The following SLF1 variants were observed in gnomAD, a reference collection of about 807,000 sequenced individuals.
The protein encoded by SLF1 is SMC5/6 complex localization factor 1, also known as SMC5-SMC6 complex localization factor protein 1.
SLF1 carries 105 observed loss-of-function variants against 123.0 expected under a neutral mutation model. The observed-to-expected ratio is 0.85, with a 90% confidence interval of 0.73 to 1.00. The LOEUF (loss-of-function observed/expected upper bound fraction) is 1.00, where lower values mean the gene tolerates loss of function less well. SLF1 is among the 50% of genes least tolerant of loss of function. The pLI is 0.00. For missense variants in SLF1, 1,239 were observed against 1,223.0 expected (o/e 1.01, Z -0.20); for synonymous variants, 434 against 406.6 (o/e 1.07, Z -0.81).
intron 15 of SLF1, among the ~76,000 whole-genome samples, chr5:94,679,628 AT>A (rs554601443): frequency 1.5e-3 from 232 of 151,870 alleles, no homozygotes; most frequent in African/African-American, 5.3e-3. Context: ...ACTTGCTACT[AT>A]TTTTTTCCCC....
intron 9 of SLF1, among the ~76,000 whole-genome samples, chr5:94,655,683 C>T (rs1269710433): frequency 6.6e-6 from 1 of 151,754 alleles, no homozygotes; most frequent in African/African-American, 2.4e-5. Context: ...TAAATATATT[C>T]CTAGGTATTT....
At position 94,630,581 on chromosome 5, in the gene SLF1, G is replaced by A. The variant is rs181934125; in HGVS notation, c.269G>A (p.Trp90Ter). ...GRWLDETTYE[W>*]GYKIEKDSRY... is the part of the protein sequence containing the mutation. ...TGGCTTGATGAAACAACTTATGAAT[G>A]GGGATATAAAATTGAAAAAGATTCC... Residue 90 changes from tryptophan to a stop codon, truncating the protein, a stop_gained, in exon 4 of 21, where the codon TGG becomes TAG. Transcript: ENST00000265140. LOFTEE classifies it high-confidence loss of function. The A allele has an allele frequency of 1.1e-5, 17 of 1,551,634 alleles. No individual in the cohort carries two copies. The Admixed American group carries it at 2.9e-4, about 27-fold the overall frequency.
chr5:94,651,133 T>C (rs1215723773), intron 6 of SLF1, among the ~76,000 whole-genome samples: 1 of 152,196 alleles, frequency 6.6e-6, no homozygotes, highest in Non-Finnish European at 1.5e-5. Context: ...TGCAGTTGCC[T>C]ATAGCATTTA....
Position 94,662,350 on chromosome 5 carries a change from A to T in SLF1, c.1208A>T (p.Glu403Val). The change falls in exon 10 of 21, where the codon GAG becomes GTG. Residue 403 changes from glutamate to valine, a missense_variant and splice_region_variant. By Grantham distance (121) the Glu-to-Val change is moderately radical. Transcript: ENST00000265140. ...GATAAACAACCAGTGTACAACGTAG[A>T]GGTAAGGGGCTTGGAGCAGCATTGG... ...RIDKQPVYNV[E>V]VKNAEFPRGV... is the part of the protein sequence containing the mutation. 6.5e-7 allele frequency: 1 copy of T among 1,546,620 alleles called. No homozygotes were observed. Among genetic ancestry groups the T allele is most frequent in the African/African-American group, 1.4e-5 (1 of 73,072 alleles).
chr5:94,639,017 C>G (rs1746131381), intron 4 of SLF1, among the ~76,000 whole-genome samples: 1 of 135,448 alleles, frequency 7.4e-6, no homozygotes, highest in Non-Finnish European at 1.6e-5. Flanking sequence ...ATTTTTTTCT[C>G]ATCTCTTTTC....
chr5:94,657,148 G>C (rs1221536341), intron 9 of SLF1, among the ~76,000 whole-genome samples: 1 of 151,312 alleles, frequency 6.6e-6, no homozygotes, highest in African/African-American at 2.4e-5. Context: ...TTGATTATTT[G>C]AGATCTTTCT....
rs1277317623 is a variant in SLF1, at chr5:94,649,591, A to G, written c.732A>G (p.Arg244=). The G allele has an allele frequency of 6.8e-7, 1 of 1,472,794 alleles. No individual in the cohort carries two copies. The highest frequency in any genetic ancestry group is 1.4e-5 in the African/African-American group (1 of 71,260). The allele number at this position is 1,472,794 out of a possible 1,614,324, so 91.2% of individuals were successfully genotyped here. A position where few individuals can be genotyped will look rare whatever the true frequency, so the allele number is the denominator to read the frequency against. Reference sequence around the variant, plus strand: ...GTGCCTTAAGAGAGACCATGTATAGAACCCAGGTAAACTTTATAGGCTGAA... The same window carrying G: ...GTGCCTTAAGAGAGACCATGTATAGGACCCAGGTAAACTTTATAGGCTGAA... ...MKGALRETMY[R]TQKEMQNHED... The change falls in exon 6 of 21, where the codon AGA becomes AGG. Residue 244 remains arginine, a synonymous_variant. Coordinates refer to ENST00000265140, the MANE Select transcript of SLF1 (RefSeq NM_032290.4).
At chr5:94,675,180 A>G (rs1750906950) in intron 14 of SLF1, among the ~76,000 whole-genome samples, 1 of 152,226 alleles carries the variant, frequency 6.6e-6, no homozygotes, top group Admixed American at 6.5e-5. Flanking sequence ...TCTACTTTAC[A>G]GATTAGTCAA....
chr5:94,630,478 G>T, intron 3 of SLF1, 25 bp from the exon 4 acceptor site: 1 of 1,531,794 alleles, frequency 6.5e-7, no homozygotes, highest in Non-Finnish European at 8.8e-7. Context: ...ATTCCTTTGT[G>T]ACTGACAGCT....
intron 5 of SLF1, among the ~76,000 whole-genome samples, chr5:94,643,958 A>G (rs1478972927): frequency 6.6e-6 from 1 of 152,086 alleles, no homozygotes; most frequent in Non-Finnish European, 1.5e-5. Flanking sequence ...GTTATAGGAA[A>G]AATCATCTTC....
At position 94,652,506 on chromosome 5, in the gene SLF1, T is replaced by G. The variant is rs183972258; in HGVS notation, c.882+661T>G. Among the ~76,000 whole-genome samples, 6 of 152,374 alleles carry G rather than the reference T, an allele frequency of 3.9e-5. No homozygotes were observed. In the East Asian group the frequency reaches 9.6e-4, roughly 24 times the overall value. ...GTTATTTATAGACTTCTTTTGCTAATGTATATAAAATTTTATTGTTTGACT... is the reference window on the plus strand; with the variant it reads ...GTTATTTATAGACTTCTTTTGCTAAGGTATATAAAATTTTATTGTTTGACT... On this transcript the variant is annotated intron_variant, in intron 7 of 20. Transcript: ENST00000265140.
intron 20 of SLF1, 43 bp from the exon 21 acceptor site, chr5:94,694,788 T>C: frequency 6.6e-7 from 1 of 1,514,594 alleles, no homozygotes; most frequent in African/African-American, 1.4e-5. Context: ...GCTGCCAAAA[T>C]AGAAATGTTT....
At chr5:94,671,530 T>C (rs1190153464) in intron 14 of SLF1, among the ~76,000 whole-genome samples, 1 of 151,848 alleles carries the variant, frequency 6.6e-6, no homozygotes, top group Non-Finnish European at 1.5e-5. Context: ...AACATAACTT[T>C]GGCACATTTT....
chr5:94,657,963 G>A (rs1748608726), intron 9 of SLF1, among the ~76,000 whole-genome samples: 3 of 151,916 alleles, frequency 2.0e-5, no homozygotes, highest in Admixed American at 2.0e-4. Context: ...TTTCTTATAG[G>A]CAACACACTG....
At chr5:94,667,756 T>C (rs1005665763) in intron 12 of SLF1, among the ~76,000 whole-genome samples, 2 of 152,134 alleles carry the variant, frequency 1.3e-5, no homozygotes, top group Non-Finnish European at 2.9e-5. Flanking sequence ...TTTGTTTGTT[T>C]TGTTTTGTTT....
At position 94,676,264 on chromosome 5, in the gene SLF1, G is replaced by A. The variant is rs117909151; in HGVS notation, c.1828-2544G>A. On this transcript the variant is annotated intron_variant, in intron 14 of 20. Coordinates refer to ENST00000265140, the MANE Select transcript of SLF1 (RefSeq NM_032290.4). The stretch of plus-strand genomic sequence containing the variant: ...TATATTCTCTTGATAACAGTGAGAA[G>A]TAAGGATTAACTAACTTGCTCAGAG... Among the ~76,000 whole-genome samples the A allele has an allele frequency of 1.4e-4, 22 of 152,288 alleles. No homozygotes were observed. In the East Asian group the frequency reaches 4.0e-3, roughly 28 times the overall value.
intron 8 of SLF1, 97 bp from the exon 9 acceptor site, chr5:94,654,533 A>T: frequency 1.1e-6 from 1 of 890,304 alleles, no homozygotes; most frequent in East Asian, 3.4e-5. Context: ...TTAACATGGT[A>T]TGAATGTGTT....
intron 1 of SLF1, among the ~76,000 whole-genome samples, chr5:94,624,362 G>C (rs1792048236): frequency 6.6e-6 from 1 of 152,058 alleles, no homozygotes; most frequent in Non-Finnish European, 1.5e-5. Context: ...ATGGGCTCTT[G>C]CTTTGACAGA....
rs1750288246 is a variant in SLF1, at chr5:94,670,266, C to A, written c.1648C>A (p.His550Asn). 6.7e-7 allele frequency: 1 copy of A among 1,488,600 alleles called. No individual in the cohort carries two copies. Among genetic ancestry groups the A allele is most frequent in the Non-Finnish European group, 8.9e-7 (1 of 1,123,172 alleles). The allele number at this position is 1,488,600 out of a possible 1,614,324, so 92.2% of individuals were successfully genotyped here. The change falls in exon 13 of 21, where the codon CAT becomes AAT. Residue 550 changes from histidine (H) to asparagine (N), a missense_variant. Physicochemically the swap from His to Asn is moderately conservative, Grantham distance 68. Coordinates refer to ENST00000265140, the MANE Select transcript of SLF1 (RefSeq NM_032290.4). ...TAATTTAATTGAAAGTGAAGTACAACATCTGAGTCAAAAGTAAGTTCTAAT... is the reference window on the plus strand; with the variant it reads ...TAATTTAATTGAAAGTGAAGTACAAAATCTGAGTCAAAAGTAAGTTCTAAT... ...FFNLIESEVQ[H>N]LSQKLYDWSD...
Sources: gnomAD v4.1 joint callset for allele counts (sites outside exome capture counted in the v4.1 genomes callset) on GRCh38, gnomAD v4.1.1 for gene constraint, MANE v1.5 for transcripts, NCBI Gene and HGNC (gene_info 2026-07-23, HGNC 2026-07-21) for gene names.